The following ZNF492 variants were observed in gnomAD, a reference collection of about 807,000 sequenced individuals.
ZNF492 encodes zinc finger protein 115 (Y20).
A neutral mutation model predicts 6.4 loss-of-function variants in ZNF492; 3 were observed. That is an observed-to-expected ratio of 0.47 (90% CI 0.21 to 1.22). The LOEUF (loss-of-function observed/expected upper bound fraction) is 1.22. Among genes scored for constraint, ZNF492 ranks in the 50% most tolerant of loss-of-function variants. The probability of loss-of-function intolerance (pLI) is 0.22; values close to 1 mark genes in which losing one functional copy is unlikely to be tolerated. For missense variants in ZNF492, 356 were observed against 612.5 expected, an observed-to-expected ratio of 0.58 and a Z score of 4.42; for synonymous variants, 112 against 205.3, an observed-to-expected ratio of 0.55 and a Z score of 3.89.
At chr19:22,635,485 C>G (rs933178158) in intron 1 of ZNF492, among the ~76,000 whole-genome samples, 1 of 152,158 alleles carries the variant, frequency 6.6e-6, no homozygotes. Flanking sequence ...CATTAGATGG[C>G]ATATTTAAAA....
rs2145266683 is a variant in ZNF492, at chr19:22,665,690, G to T, written c.*425G>T. ...ACCCTGAGGCAATTGCTCAAACTTTGTTCAACATCAGAGAATTTATATCGA... is the reference window on the plus strand; with the variant it reads ...ACCCTGAGGCAATTGCTCAAACTTTTTTCAACATCAGAGAATTTATATCGA... On this transcript the variant is annotated 3_prime_UTR_variant, in exon 4 of 4. Coordinates refer to ENST00000456783, the MANE Select transcript of ZNF492 (RefSeq NM_020855.3). The T allele has an allele frequency of 6.3e-6, 1 of 157,814 alleles. No homozygotes were observed. 9.8% of individuals were successfully genotyped at this position (157,814 alleles called of 1,614,324 possible). A position where few individuals can be genotyped will look rare whatever the true frequency, so the allele number is the denominator to read the frequency against.
Position 22,665,449 on chromosome 19 carries a change from G to T in ZNF492, c.*184G>T. On this transcript the variant is annotated 3_prime_UTR_variant, in exon 4 of 4. Coordinates refer to ENST00000456783, the MANE Select transcript of ZNF492 (RefSeq NM_020855.3). ...GAACAAATGTACAAATATAAAGAAA[G>T]TAAAAAAGTGATTAATATCTGTGCA... 1 of 1,246,780 alleles carries T rather than the reference G, an allele frequency of 8.0e-7. No individual in the cohort carries two copies. Among genetic ancestry groups the T allele is most frequent in the Non-Finnish European group, 1.1e-6 (1 of 922,906 alleles). The allele number at this position is 1,246,780 out of a possible 1,614,324, so 77.2% of individuals were successfully genotyped here.
rs987078429 is a variant in ZNF492 at position 22,655,816 on chromosome 19, G to GTT, written c.130+1826_130+1827dup. On this transcript the variant is annotated intron_variant, in intron 3 of 3. Transcript: ENST00000456783. The stretch of plus-strand genomic sequence containing the variant: ...AACACCTCTTCAAGTTTTTCTTGTT[G>GTT]TTTTTTTTTTTTTTTTTTTTTTTTT... Among the ~76,000 whole-genome samples the GTT allele has an allele frequency of 9.8e-4, 51 of 51,792 alleles. 1 individual carries two copies. Among genetic ancestry groups the GTT allele is most frequent in the Non-Finnish European group, 1.4e-3 (35 of 25,628 alleles). The allele number at this position is 51,792 out of a possible 152,430, so 34.0% of individuals were successfully genotyped here. A position where few individuals can be genotyped will look rare whatever the true frequency, so the allele number is the denominator to read the frequency against.
intron 1 of ZNF492, among the ~76,000 whole-genome samples, chr19:22,643,393 A>C (rs1971848131): frequency 6.6e-6 from 1 of 152,238 alleles, no homozygotes; most frequent in Admixed American, 6.5e-5. Context: ...GATGGAGATT[A>C]GTTGTCTTCA....
At chr19:22,648,565 T>C (rs900092605) in intron 1 of ZNF492, among the ~76,000 whole-genome samples, 2 of 152,180 alleles carry the variant, frequency 1.3e-5, no homozygotes, top group African/African-American at 4.8e-5. Flanking sequence ...CTCCCACTGA[T>C]TGTGTGGGCG....
chr19:22,639,437 G>A (rs143312432), intron 1 of ZNF492, among the ~76,000 whole-genome samples: 129 of 151,964 alleles, frequency 8.5e-4, no homozygotes, highest in African/African-American at 3.0e-3. Flanking sequence ...TAGGCCTGGC[G>A]CGGTGGCTCA....
At chr19:22,648,943 G>C (rs1309263917) in intron 1 of ZNF492, among the ~76,000 whole-genome samples, 1 of 152,164 alleles carries the variant, frequency 6.6e-6, no homozygotes, top group African/African-American at 2.4e-5. Flanking sequence ...TTTAAGGTTA[G>C]TATTGTTCTG....
intron 3 of ZNF492, among the ~76,000 whole-genome samples, chr19:22,662,052 A>C (rs898494838): frequency 3.3e-5 from 5 of 152,056 alleles, no homozygotes; most frequent in Admixed American, 6.6e-5. Context: ...ATAGGTATAC[A>C]TGTGCCATGG....
chr19:22,647,562 C>A (rs1284325841), intron 1 of ZNF492, among the ~76,000 whole-genome samples: 1 of 150,538 alleles, frequency 6.6e-6, no homozygotes, highest in African/African-American at 2.5e-5. Flanking sequence ...CCACGCCTGG[C>A]CCTATTTTGT....
At chr19:22,655,493 G>T (rs1211698479) in intron 3 of ZNF492, among the ~76,000 whole-genome samples, 1 of 151,580 alleles carries the variant, frequency 6.6e-6, no homozygotes, top group Non-Finnish European at 1.5e-5. Context: ...CAGATAGTTT[G>T]TTTAAAGTGT....
Position 22,634,337 on chromosome 19 carries a change from G to T in ZNF492, c.-231G>T. 1.0e-6 allele frequency: 1 copy of T among 970,714 alleles called. No homozygotes were observed. The highest frequency in any genetic ancestry group is 1.5e-6 in the Non-Finnish European group (1 of 654,792). 60.1% of individuals were successfully genotyped at this position (970,714 alleles called of 1,614,324 possible). A position where few individuals can be genotyped will look rare whatever the true frequency, so the allele number is the denominator to read the frequency against. ...GGATGTGGCGGGGTCTTTGTCTCTC[G>T]CTGCAGTCGGAGTATGGTCTAGTGT... is the stretch of plus-strand genomic sequence containing the variant. On this transcript the variant is annotated 5_prime_UTR_variant, in exon 1 of 4. Coordinates refer to ENST00000456783, the MANE Select transcript of ZNF492 (RefSeq NM_020855.3).
chr19:22,653,054 C>T (rs1971958007), intron 1 of ZNF492, among the ~76,000 whole-genome samples: 1 of 150,928 alleles, frequency 6.6e-6, no homozygotes, highest in Admixed American at 6.6e-5. Context: ...TTAATGCCCT[C>T]AATTTTATAC....
chr19:22,646,902 T>G (rs1220692291), intron 1 of ZNF492, among the ~76,000 whole-genome samples: 1 of 152,136 alleles, frequency 6.6e-6, no homozygotes, highest in Non-Finnish European at 1.5e-5. Flanking sequence ...TTGTTTTTGT[T>G]TTTGCTTTTT....
At chr19:22,652,380 A>C (rs1209022782) in intron 1 of ZNF492, among the ~76,000 whole-genome samples, 1 of 107,544 alleles carries the variant, frequency 9.3e-6, no homozygotes, top group Admixed American at 8.9e-5. Flanking sequence ...GGCGCCCGCC[A>C]CCTTAGGTTT....
Position 22,666,768 on chromosome 19 carries a change from C to A in ZNF492, c.*1503C>A, listed in dbSNP as rs772695408. On this transcript the variant is annotated 3_prime_UTR_variant, in exon 4 of 4. Coordinates refer to ENST00000456783, the MANE Select transcript of ZNF492 (RefSeq NM_020855.3). ...AAAAATAAATTAGTATATTATTTTA[C>A]TAATTTTACTTTTATGAAAATGCAG... 1 of 152,066 alleles carries A rather than the reference C, an allele frequency of 6.6e-6. No individual in the cohort carries two copies. Among genetic ancestry groups the A allele is most frequent in the Non-Finnish European group, 1.5e-5 (1 of 68,022 alleles). 9.4% of individuals were successfully genotyped at this position (152,066 alleles called of 1,614,324 possible).
rs1972128407 is a variant in ZNF492 at position 22,666,359 on chromosome 19, T to G, written c.*1094T>G. 1 of 151,982 alleles carries G rather than the reference T, an allele frequency of 6.6e-6. No homozygotes were observed. Among genetic ancestry groups the G allele is most frequent in the Non-Finnish European group, 1.5e-5 (1 of 68,006 alleles). 9.4% of individuals were successfully genotyped at this position (151,982 alleles called of 1,614,324 possible). A position where few individuals can be genotyped will look rare whatever the true frequency, so the allele number is the denominator to read the frequency against. On this transcript the variant is annotated 3_prime_UTR_variant, in exon 4 of 4. Coordinates refer to ENST00000456783, the MANE Select transcript of ZNF492 (RefSeq NM_020855.3). ...GCGCAAACCACCATGCGTGGCTAAATTTTGTATTTTTAATAGAGCCAGGGT... is the reference window on the plus strand; with the variant it reads ...GCGCAAACCACCATGCGTGGCTAAAGTTTGTATTTTTAATAGAGCCAGGGT...
chr19:22,654,605 C>CT (rs35048607), intron 3 of ZNF492, among the ~76,000 whole-genome samples: 9,119 of 130,138 alleles, frequency 0.07, 390 homozygotes, highest in African/African-American at 0.13. Flanking sequence ...TTTTCTCTTT[C>CT]TTTTTTTTTT....
Position 22,666,841 on chromosome 19 carries a change from A to G in ZNF492, c.*1576A>G, listed in dbSNP as rs1013991610. 5.3e-5 allele frequency: 8 copies of G among 152,232 alleles called. No individual in the cohort carries two copies. Among genetic ancestry groups the G allele is most frequent in the East Asian group, 1.9e-4 (1 of 5,204 alleles). 9.4% of individuals were successfully genotyped at this position (152,232 alleles called of 1,614,324 possible). Reference sequence around the variant, plus strand: ...ATGTGTGAACTTAATTTCTTAATTCAACATTTTTAACAGTTTAAATATTGT... The same window carrying G: ...ATGTGTGAACTTAATTTCTTAATTCGACATTTTTAACAGTTTAAATATTGT... On this transcript the variant is annotated 3_prime_UTR_variant, in exon 4 of 4. Transcript: ENST00000456783.
Position 22,665,500 on chromosome 19 carries a change from A to AC in ZNF492, c.*235_*236insC, listed in dbSNP as rs58792090. Reference sequence around the variant, plus strand: ...CATCTTATTCAACATCAGAGTTTATATTAATAGCATTAAAAGTGCAATTAC... The same window carrying AC: ...CATCTTATTCAACATCAGAGTTTATACTTAATAGCATTAAAAGTGCAATTAC... On this transcript the variant is annotated 3_prime_UTR_variant, in exon 4 of 4. Coordinates refer to ENST00000456783, the MANE Select transcript of ZNF492 (RefSeq NM_020855.3). 109,153 of 808,764 alleles carry AC rather than the reference A, an allele frequency of 0.13. 9,268 individuals are homozygous for AC. Among genetic ancestry groups the AC allele is most frequent in the African/African-American group, 0.36 (20,706 of 56,956 alleles). The allele number at this position is 808,764 out of a possible 1,614,324, so 50.1% of individuals were successfully genotyped here.
Sources: gnomAD v4.1 joint callset for allele counts (sites outside exome capture counted in the v4.1 genomes callset) on GRCh38, gnomAD v4.1.1 for gene constraint, MANE v1.5 for transcripts, NCBI Gene and HGNC (gene_info 2026-07-23, HGNC 2026-07-21) for gene names.